MSRA: variants seen among roughly 807,000 people sequenced by gnomAD.
The protein encoded by MSRA is methionine sulfoxide reductase A.
In MSRA, 54 loss-of-function variants were observed where a neutral mutation model predicts 31.3. The observed-to-expected ratio is 1.73, with a 90% confidence interval of 1.39 to 2.17. MSRA has a LOEUF of 2.17. Ranked by LOEUF, MSRA falls within the 30% of genes most tolerant of loss-of-function variation. MSRA has a pLI of 0.00. For synonymous variants in MSRA, 169 were observed against 116.5 expected (o/e 1.45, Z -2.90); for missense variants, 507 against 300.9 (o/e 1.69, Z -5.07).
rs537876529 is a variant in MSRA, at chr8:10,174,218, A to C, written c.143-33615A>C. Among the ~76,000 whole-genome samples, 5 of 152,160 alleles carry C rather than the reference A, an allele frequency of 3.3e-5. No individual in the cohort carries two copies. The South Asian group carries it at 6.2e-4, about 19-fold the overall frequency. On this transcript the variant is annotated intron_variant, in intron 1 of 5. Coordinates refer to ENST00000317173, the MANE Select transcript of MSRA (RefSeq NM_012331.5). ...TGGATATTTTGGTGAGGGTGTGGAG[A>C]GGTAGGAGAGGGGAGCCTGCTTCCA...
intron 1 of MSRA, among the ~76,000 whole-genome samples, chr8:10,068,752 A>C (rs1014622977): frequency 1.3e-5 from 2 of 152,094 alleles, no homozygotes; most frequent in Non-Finnish European, 2.9e-5. Flanking sequence ...ATATTGAGTT[A>C]GCTATTCTTT....
chr8:10,331,941 G>A (rs1386056805), intron 5 of MSRA, among the ~76,000 whole-genome samples: 1 of 152,188 alleles, frequency 6.6e-6, no homozygotes, highest in Non-Finnish European at 1.5e-5. Context: ...CACGCAGAAT[G>A]CAAGGATACG....
chr8:10,213,843 C>T (rs1475161847), intron 2 of MSRA, among the ~76,000 whole-genome samples: 1 of 152,114 alleles, frequency 6.6e-6, no homozygotes, highest in Non-Finnish European at 1.5e-5. Context: ...GGTACATACT[C>T]AGCAGTGGGA....
At chr8:10,281,314 T>G (rs2952228) in intron 3 of MSRA, among the ~76,000 whole-genome samples, 1 of 152,084 alleles carries the variant, frequency 6.6e-6, no homozygotes. Context: ...TCCTGGACTT[T>G]TCCCCATCGT....
At chr8:10,307,703 A>G (rs1483019909) in intron 4 of MSRA, among the ~76,000 whole-genome samples, 4 of 151,794 alleles carry the variant, frequency 2.6e-5, no homozygotes, top group Non-Finnish European at 5.9e-5. Context: ...TTTTGTGGCA[A>G]CTCCAAGCCT....
intron 1 of MSRA, among the ~76,000 whole-genome samples, chr8:10,121,400 C>A (rs547173760): frequency 6.6e-6 from 1 of 152,284 alleles, no homozygotes. Flanking sequence ...CCTACCTAAA[C>A]AACTGTGCGA....
At chr8:10,090,403 C>T in intron 1 of MSRA, among the ~76,000 whole-genome samples, 1 of 152,254 alleles carries the variant, frequency 6.6e-6, no homozygotes, top group South Asian at 2.1e-4. Flanking sequence ...GAAGCAGATT[C>T]AGGTGGATAA....
intron 1 of MSRA, among the ~76,000 whole-genome samples, chr8:10,123,152 A>G (rs760876575): frequency 6.6e-6 from 1 of 152,238 alleles, no homozygotes; most frequent in Non-Finnish European, 1.5e-5. Context: ...AACAGTGTGT[A>G]AGTGTTTTCT....
intron 2 of MSRA, among the ~76,000 whole-genome samples, chr8:10,223,260 C>G (rs543857810): frequency 9.2e-5 from 14 of 152,230 alleles, no homozygotes; most frequent in African/African-American, 2.6e-4. Context: ...TGCATTGGAT[C>G]TCATACAAAA....
chr8:10,249,683 C>G (rs1362982801), intron 3 of MSRA, among the ~76,000 whole-genome samples: 1 of 152,204 alleles, frequency 6.6e-6, no homozygotes, highest in Non-Finnish European at 1.5e-5. Context: ...GGTAGCATCT[C>G]TCATGGCCAG....
At chr8:10,378,578 C>G (rs1469801869) in intron 5 of MSRA, among the ~76,000 whole-genome samples, 1 of 152,192 alleles carries the variant, frequency 6.6e-6, no homozygotes, top group Admixed American at 6.5e-5. Flanking sequence ...GGCTTCATCT[C>G]CCGGCCAGGA....
intron 2 of MSRA, among the ~76,000 whole-genome samples, chr8:10,238,576 A>T (rs1016528615): frequency 1.3e-5 from 2 of 152,228 alleles, no homozygotes; most frequent in African/African-American, 4.8e-5. Context: ...GAATAGACAA[A>T]TGAATGGAGC....
intron 1 of MSRA, among the ~76,000 whole-genome samples, chr8:10,121,006 C>T (rs779797186): frequency 2.0e-5 from 3 of 152,236 alleles, no homozygotes; most frequent in South Asian, 4.1e-4. Context: ...AAAAAGCTTT[C>T]GTTTGCGTTA....
At chr8:10,170,092 A>C (rs1249467143) in intron 1 of MSRA, among the ~76,000 whole-genome samples, 3 of 130,462 alleles carry the variant, frequency 2.3e-5, no homozygotes. Context: ...TCACCATGTT[A>C]GTCAGGTAGT....
chr8:10,185,746 T>A (rs1806984945), intron 1 of MSRA, among the ~76,000 whole-genome samples: 1 of 152,182 alleles, frequency 6.6e-6, no homozygotes, highest in Non-Finnish European at 1.5e-5. Context: ...GACCATTCAC[T>A]CAGTCCTCTG....
intron 1 of MSRA, among the ~76,000 whole-genome samples, chr8:10,058,211 A>G (rs974492330): frequency 6.6e-6 from 1 of 152,234 alleles, no homozygotes; most frequent in African/African-American, 2.4e-5. Context: ...AAATAGAAAA[A>G]AACAGTAGAA....
At chr8:10,113,016 G>T (rs1212327732) in intron 1 of MSRA, among the ~76,000 whole-genome samples, 1 of 152,132 alleles carries the variant, frequency 6.6e-6, no homozygotes, top group South Asian at 2.1e-4. Flanking sequence ...AGTGACTTCT[G>T]TTGGCTCCTT....
chr8:10,184,416 A>G (rs926832113), intron 1 of MSRA, among the ~76,000 whole-genome samples: 6 of 151,924 alleles, frequency 3.9e-5, no homozygotes, highest in African/African-American at 1.2e-4. Flanking sequence ...AAACCTTGAT[A>G]ACTACTTTCT....
intron 1 of MSRA, among the ~76,000 whole-genome samples, chr8:10,111,955 G>A (rs567590009): frequency 6.6e-6 from 1 of 152,254 alleles, no homozygotes; most frequent in Non-Finnish European, 1.5e-5. Flanking sequence ...TCTTCCTGAT[G>A]TTGGGTTTTT....
Sources: gnomAD v4.1 joint callset for allele counts (sites outside exome capture counted in the v4.1 genomes callset) on GRCh38, gnomAD v4.1.1 for gene constraint, MANE v1.5 for transcripts, NCBI Gene and HGNC (gene_info 2026-07-23, HGNC 2026-07-21) for gene names.